SGSM1: variants seen among roughly 807,000 people sequenced by gnomAD.
SGSM1 encodes RUN and TBC1 domain containing 2.
In SGSM1, 73 loss-of-function variants were observed where a neutral mutation model predicts 133.8. That is an observed-to-expected ratio of 0.55 (90% CI 0.45 to 0.66). The LOEUF is 0.66. Among genes scored for constraint, SGSM1 ranks in the 30% least tolerant of loss-of-function variants. The pLI is 0.00. For missense variants in SGSM1, 1,213 were observed against 1,448.1 expected (o/e 0.84, Z 2.64); for synonymous variants, 563 against 573.0 (o/e 0.98, Z 0.25).
In SGSM1 at chr22:24,924,207, C is replaced by T. The variant is rs1371116809; in HGVS notation, c.3215C>T (p.Thr1072Ile). The change falls in exon 25 of 25, where the codon ACC (threonine) becomes ATC (isoleucine). Residue 1072 changes from threonine to isoleucine, a missense_variant. Coordinates refer to ENST00000400358, the MANE Select transcript of SGSM1 (RefSeq NM_001098497.3). ...TCAGAAATGGCTGAGCGACACAACA[C>T]CAAGCAAGTCCTGAAGCTGGCGCGG... ...FFNEMAERHN[T>I]KQVLKLARDL... 33 of 1,613,954 alleles carry T rather than the reference C, an allele frequency of 2.0e-5. No individual in the cohort carries two copies. Among genetic ancestry groups the T allele is most frequent in the Non-Finnish European group, 2.8e-5 (33 of 1,179,882 alleles).
At chr22:24,807,833 G>A (rs143113603) in intron 2 of SGSM1, among the ~76,000 whole-genome samples, 27 of 151,548 alleles carry the variant, frequency 1.8e-4, no homozygotes, top group African/African-American at 6.1e-4. Context: ...GGGCAGCCTC[G>A]AGGCTTGGAC....
At position 24,886,631 on chromosome 22, in the gene SGSM1, T is replaced by G. The variant is rs774161809; in HGVS notation, c.1673T>G (p.Ile558Ser). 2 of 1,554,498 alleles carry G rather than the reference T, an allele frequency of 1.3e-6. No individual in the cohort carries two copies. Among genetic ancestry groups the G allele is most frequent in the Non-Finnish European group, 1.7e-6 (2 of 1,148,686 alleles). The change falls in exon 16 of 25, where the codon ATC becomes AGC. Residue 558 changes from isoleucine (I) to serine (S), a missense_variant. Physicochemically the swap from Ile to Ser is moderately radical, Grantham distance 142. Coordinates refer to ENST00000400358, the MANE Select transcript of SGSM1 (RefSeq NM_001098497.3). ...SYEEQELLRL[I>S]YYGGIQPEIR... ...GAGGAGCAGGAGCTGCTGCGCCTCA[T>G]CTACTACGGGGGCATCCAGCCTGAG...
chr22:24,817,011 G>A (rs1474265426), intron 2 of SGSM1, among the ~76,000 whole-genome samples: 1 of 152,208 alleles, frequency 6.6e-6, no homozygotes, highest in South Asian at 2.1e-4. Flanking sequence ...GGTCATGGGG[G>A]GGTGAGGGGT....
At chr22:24,833,353 A>G (rs1235214925) in intron 2 of SGSM1, among the ~76,000 whole-genome samples, 3 of 151,914 alleles carry the variant, frequency 2.0e-5, no homozygotes, top group Non-Finnish European at 4.4e-5. Context: ...ATTCTGAGAT[A>G]GTAGTGTTAA....
At chr22:24,901,401 G>A (rs1933156926) in intron 19 of SGSM1, among the ~76,000 whole-genome samples, 2 of 152,118 alleles carry the variant, frequency 1.3e-5, no homozygotes, top group African/African-American at 2.4e-5. Context: ...CTTTCCTTAA[G>A]GCAAAGGCCA....
At position 24,898,388 on chromosome 22, in the gene SGSM1, G is replaced by A. The variant is rs1047895774; in HGVS notation, c.2439G>A (p.Val813=). The A allele has an allele frequency of 1.2e-6, 2 of 1,613,864 alleles. No individual in the cohort carries two copies. The highest frequency in any genetic ancestry group is 3.3e-5 in the Admixed American group (2 of 60,014). ...CCCTGCCTGAAAAGGACGATGTTGT[G>A]ATGGAGGGCTGGAGGAGCAGCGAGA... The part of the protein sequence containing the change: ...DMALPEKDDV[V]MEGWRSSETE... Residue 813 remains valine (V), a synonymous_variant, in exon 19 of 25, where the codon GTG becomes GTA. Transcript: ENST00000400358.
At chr22:24,870,069 T>A (rs889497282) in intron 12 of SGSM1, among the ~76,000 whole-genome samples, 1 of 152,226 alleles carries the variant, frequency 6.6e-6, no homozygotes, top group African/African-American at 2.4e-5. Flanking sequence ...AGCCACGTGC[T>A]GGGCAGTGAG....
chr22:24,840,232 C>A (rs12166414), intron 2 of SGSM1, among the ~76,000 whole-genome samples: 1 of 152,096 alleles, frequency 6.6e-6, no homozygotes. Context: ...GTGTGAGCCA[C>A]CACGCCCGGC....
At chr22:24,842,035 G>C (rs1181557345) in intron 2 of SGSM1, among the ~76,000 whole-genome samples, 2 of 152,180 alleles carry the variant, frequency 1.3e-5, no homozygotes, top group Non-Finnish European at 2.9e-5. Flanking sequence ...CTCCCTGACA[G>C]TCCTCTACCA....
At chr22:24,806,840 A>G (rs9608339) in intron 2 of SGSM1, among the ~76,000 whole-genome samples, 35,706 of 151,774 alleles carry the variant, frequency 0.24, 5,209 homozygotes, top group East Asian at 0.57. Flanking sequence ...AGAAGCTGCT[A>G]GGGGGACGCC....
At chr22:24,920,103 T>A (rs982311593) in intron 24 of SGSM1, 110 bp downstream of exon 24, 18 of 1,155,520 alleles carry the variant, frequency 1.6e-5, no homozygotes, top group Admixed American at 4.9e-5. Context: ...GTGAAGGGGA[T>A]AAAGAGGGCT....
At chr22:24,813,497 A>G (rs927272640) in intron 2 of SGSM1, among the ~76,000 whole-genome samples, 3 of 152,170 alleles carry the variant, frequency 2.0e-5, no homozygotes, top group Admixed American at 1.3e-4. Context: ...GAGAGACTCC[A>G]AAAATGCATG....
At chr22:24,905,236 C>T in intron 21 of SGSM1, 49 bp downstream of exon 21, 3 of 1,545,212 alleles carry the variant, frequency 1.9e-6, no homozygotes, top group Non-Finnish European at 1.8e-6. Context: ...TTCCTTTCCA[C>T]TGCATGGCAG....
chr22:24,897,939 C>T (rs191284236), intron 18 of SGSM1, 33 bp from the exon 19 acceptor site: 18 of 1,537,098 alleles, frequency 1.2e-5, no homozygotes, highest in African/African-American at 6.8e-5. Flanking sequence ...GTCGACATGC[C>T]GGTCCATCTG....
chr22:24,823,843 G>A (rs1404757352), intron 2 of SGSM1, among the ~76,000 whole-genome samples: 3 of 151,896 alleles, frequency 2.0e-5, no homozygotes, highest in African/African-American at 7.3e-5. Flanking sequence ...CCAGGAGTTC[G>A]AGGCTGCCGT....
intron 9 of SGSM1, among the ~76,000 whole-genome samples, chr22:24,861,906 G>A (rs1931175539): frequency 6.6e-6 from 1 of 151,130 alleles, no homozygotes; most frequent in South Asian, 2.1e-4. Context: ...CTGGCTTCAA[G>A]TGAGTCTCCC....
At chr22:24,900,155 G>GGACTAC (rs1443774170) in intron 19 of SGSM1, among the ~76,000 whole-genome samples, 1 of 151,478 alleles carries the variant, frequency 6.6e-6, no homozygotes, top group Non-Finnish European at 1.5e-5. Flanking sequence ...CAAGTAGCTG[G>GGACTAC]GACTACAGGG....
chr22:24,884,108 C>G lies in SGSM1; in HGVS notation c.1551C>G (p.Val517=). ...TGAGAACCCACCTATCAGCCCTGGT[C>G]AATCACATGATCGTGTCTCCAGACT... ...STVRTHLSAL[V]NHMIVSPDLP... is the part of the protein sequence containing the mutation. The change falls in exon 15 of 25, where the codon GTC becomes GTG. Residue 517 remains valine, a synonymous_variant. Transcript: ENST00000400358. 1 of 1,613,812 alleles carries G rather than the reference C, an allele frequency of 6.2e-7. No homozygotes were observed. The highest frequency in any genetic ancestry group is 8.5e-7 in the Non-Finnish European group (1 of 1,179,834).
Position 24,898,070 on chromosome 22 carries a change from T to C in SGSM1, c.2121T>C (p.Thr707=). 1 of 1,613,972 alleles carries C rather than the reference T, an allele frequency of 6.2e-7. No homozygotes were observed. The highest frequency in any genetic ancestry group is 8.5e-7 in the Non-Finnish European group (1 of 1,179,882). ...KIPNGNLVNG[T]CSPDSGHPSS... ...CCAATGGGAACCTAGTGAACGGCAC[T>C]TGTTCCCCAGACTCGGGTCATCCTT... The change falls in exon 19 of 25, where the codon ACT becomes ACC. Residue 707 remains threonine (T), a synonymous_variant. Transcript: ENST00000400358.
Sources: allele counts gnomAD v4.1 joint callset (sites outside exome capture counted in the v4.1 genomes callset), GRCh38; gene constraint gnomAD v4.1.1; transcripts MANE v1.5; gene names NCBI Gene and HGNC (gene_info 2026-07-23, HGNC 2026-07-21).